Variants in PKD1L3 observed in about 807,000 individuals in gnomAD.
PKD1L3 encodes polycystin-1-like protein 3.
A neutral mutation model predicts 184.1 loss-of-function variants in PKD1L3; 239 were observed. The ratio of observed to expected loss-of-function variants is 1.30; its 90% CI spans 1.17 to 1.45. The LOEUF (loss-of-function observed/expected upper bound fraction) is 1.45. Ranked by LOEUF, PKD1L3 falls within the 40% of genes most tolerant of loss-of-function variation. The pLI, the probability that PKD1L3 is intolerant of heterozygous loss-of-function variation, is 0.00. For missense variants in PKD1L3, 2,660 were observed against 2,067.2 expected, an observed-to-expected ratio of 1.29 and a Z score of -5.56; for synonymous variants, 996 against 778.8, an observed-to-expected ratio of 1.28 and a Z score of -4.64.
At chr16:71,993,149 T>C (rs2040654966) in intron 3 of PKD1L3, 67 bp downstream of exon 3, 1 of 1,124,542 alleles carries the variant, frequency 8.9e-7, no homozygotes, top group Admixed American at 2.4e-5. Flanking sequence ...TAATTCAGTC[T>C]TGTGCATTCT....
chr16:71,986,076 G>A, intron 5 of PKD1L3, 145 bp downstream of exon 5: 1 of 1,067,836 alleles, frequency 9.4e-7, no homozygotes, highest in Non-Finnish European at 1.3e-6. Flanking sequence ...TGTTTCCATG[G>A]ACTTGTTTAG....
intron 21 of PKD1L3, among the ~76,000 whole-genome samples, chr16:71,948,762 A>C (rs1472786068): frequency 7.7e-6 from 1 of 130,062 alleles, no homozygotes; most frequent in Non-Finnish European, 1.6e-5. Flanking sequence ...CTGCAATTAC[A>C]GGTTTTGCTT....
chr16:71,992,808 A>T (rs1384913466), intron 3 of PKD1L3, among the ~76,000 whole-genome samples: 1 of 152,166 alleles, frequency 6.6e-6, no homozygotes, highest in Non-Finnish European at 1.5e-5. Context: ...CTTTCAGTTG[A>T]TCTCTATAAC....
At position 71,979,900 on chromosome 16, in the gene PKD1L3, T is replaced by A. The variant is rs1259182910; in HGVS notation, c.1284A>T (p.Ser428=). Residue 428 remains serine, a synonymous_variant, in exon 9 of 30, where the codon TCA becomes TCT. Coordinates refer to ENST00000620267, the MANE Select transcript of PKD1L3 (RefSeq NM_181536.2). The stretch of plus-strand genomic sequence containing the variant: ...GAGTGTAAGAGCTCAGCGGTAAAGT[T>A]GATATGTTTTGTCTAATGAGAAAAG... ...ATLLLSRQNI[S]TLPLSSYTLG... 6.5e-7 allele frequency: 1 copy of A among 1,549,906 alleles called. No homozygotes were observed.
chr16:71,973,501 C>G lies in PKD1L3; in HGVS notation c.1776G>C (p.Trp592Cys), dbSNP rs1406710597. 3.9e-6 allele frequency: 6 copies of G among 1,551,660 alleles called. No homozygotes were observed. Residue 592 changes from tryptophan to cysteine, a missense_variant, in exon 12 of 30, where the codon TGG becomes TGC. By Grantham distance (215) the Trp-to-Cys change is radical (BLOSUM62 -2). Transcript: ENST00000620267. ...KVWQKDEEYTWVLNPEHLQHG... is the reference protein window; with the variant it reads ...KVWQKDEEYTCVLNPEHLQHG... Reference sequence around the variant, plus strand: ...GCTGCAGATGCTCTGGATTCAGCACCCACGTGTACTCCTCATCTTAGAACA... The same window carrying G: ...GCTGCAGATGCTCTGGATTCAGCACGCACGTGTACTCCTCATCTTAGAACA...
At chr16:71,976,264 C>CTTTTTTTTTTCTTT (rs2039918392) in intron 11 of PKD1L3, among the ~76,000 whole-genome samples, 2 of 81,770 alleles carry the variant, frequency 2.4e-5, no homozygotes, top group East Asian at 7.5e-4. Flanking sequence ...CCCAGCCTGT[C>CTTTTTTTTTTCTTT]TTTTTTTTTT....
intron 21 of PKD1L3, among the ~76,000 whole-genome samples, chr16:71,948,770 C>T (rs1207800787): frequency 9.2e-6 from 1 of 109,208 alleles, no homozygotes; most frequent in Non-Finnish European, 1.7e-5. Context: ...ACAGGTTTTG[C>T]TTTAAAAAAT....
chr16:71,972,893 G>GGA (rs2039772569), intron 12 of PKD1L3, among the ~76,000 whole-genome samples: 1 of 152,126 alleles, frequency 6.6e-6, no homozygotes, highest in Admixed American at 6.6e-5. Context: ...GGAACAAGGT[G>GGA]ATAATTACAA....
chr16:71,970,383 G>T (rs915019713), intron 12 of PKD1L3, among the ~76,000 whole-genome samples: 2 of 152,158 alleles, frequency 1.3e-5, no homozygotes, highest in Non-Finnish European at 2.9e-5. Flanking sequence ...ATATGAAAAG[G>T]AATGTTTTGT....
At chr16:71,961,653 A>C (rs1241147178) in intron 16 of PKD1L3, among the ~76,000 whole-genome samples, 2 of 152,028 alleles carry the variant, frequency 1.3e-5, no homozygotes, top group African/African-American at 4.8e-5. Context: ...ATTTTTGGAA[A>C]TCTAACACAG....
At position 72,000,103 on chromosome 16, in the gene PKD1L3, G is replaced by C. The variant is rs984921988; in HGVS notation, c.-125C>G. The C allele has an allele frequency of 4.8e-6, 4 of 832,996 alleles. No individual in the cohort carries two copies. Among genetic ancestry groups the C allele is most frequent in the African/African-American group, 2.0e-5 (1 of 51,174 alleles). The allele number at this position is 832,996 out of a possible 1,614,324, so 51.6% of individuals were successfully genotyped here. A position where few individuals can be genotyped will look rare whatever the true frequency, so the allele number is the denominator to read the frequency against. The stretch of plus-strand genomic sequence containing the variant: ...TATGAATTGGGAACAATTTACCAAG[G>C]ATACAAAAGGTTTTGTTTTGAGGAC... On this transcript the variant is annotated 5_prime_UTR_variant, in exon 1 of 30. The change creates a new upstream start codon in the 5' untranslated region. Transcript: ENST00000620267.
At position 71,986,214 on chromosome 16, in the gene PKD1L3, T is replaced by C. The variant is rs1167045260; in HGVS notation, c.834+7A>G. ...AGCTACCTGTGACTTGAATTTCCCA[T>C]GTTTACCTGACCAGATGCCTTCTGC... On this transcript the variant is annotated splice_region_variant and intron_variant, in intron 5 of 29. Coordinates refer to ENST00000620267, the MANE Select transcript of PKD1L3 (RefSeq NM_181536.2). The C allele has an allele frequency of 1.3e-6, 2 of 1,551,840 alleles. No individual in the cohort carries two copies. The highest frequency in any genetic ancestry group is 2.4e-5 in the South Asian group (2 of 84,006).
chr16:71,947,652 G>A (rs1012647768), intron 21 of PKD1L3, 61 bp from the exon 22 acceptor site: 36 of 1,135,496 alleles, frequency 3.2e-5, no homozygotes, highest in African/African-American at 1.2e-4. Flanking sequence ...AGATAATACC[G>A]TATGTAAAGG....
intron 16 of PKD1L3, among the ~76,000 whole-genome samples, chr16:71,957,206 T>C (rs2039080228): frequency 6.6e-6 from 1 of 152,120 alleles, no homozygotes; most frequent in Non-Finnish European, 1.5e-5. Flanking sequence ...AGTGATGTCC[T>C]CTGGGAGATT....
At chr16:71,947,668 G>A (rs528740139) in intron 21 of PKD1L3, 77 bp from the exon 22 acceptor site, 1,170 of 962,370 alleles carry the variant, frequency 1.2e-3, no homozygotes, top group Non-Finnish European at 1.7e-3. Flanking sequence ...AAAGGAAGAG[G>A]TGGGCACTCA....
chr16:71,950,032 T>C lies in PKD1L3; in HGVS notation c.3384-15A>G. The C allele has an allele frequency of 3.9e-6, 6 of 1,551,084 alleles. No homozygotes were observed. Among genetic ancestry groups the C allele is most frequent in the Non-Finnish European group, 5.2e-6 (6 of 1,146,648 alleles). ...TGGTGACTTCCCTGAAGCACAAAAG[T>C]TGAGGGAATAATCTTGTATGCATCG... On this transcript the variant is annotated splice_polypyrimidine_tract_variant and intron_variant, in intron 20 of 29. Transcript: ENST00000620267.
Position 71,979,902 on chromosome 16 carries a change from A to T in PKD1L3, c.1282T>A (p.Ser428Thr). The T allele has an allele frequency of 6.5e-7, 1 of 1,550,088 alleles. No individual in the cohort carries two copies. The highest frequency in any genetic ancestry group is 8.7e-7 in the Non-Finnish European group (1 of 1,146,726). Residue 428 changes from serine to threonine, a missense_variant, in exon 9 of 30, where the codon TCA becomes ACA. Transcript: ENST00000620267. Reference protein sequence around the residue: ...ATLLLSRQNISTLPLSSYTLG... With the variant: ...ATLLLSRQNITTLPLSSYTLG... ...GTGTAAGAGCTCAGCGGTAAAGTTGATATGTTTTGTCTAATGAGAAAAGTT... is the reference window on the plus strand; with the variant it reads ...GTGTAAGAGCTCAGCGGTAAAGTTGTTATGTTTTGTCTAATGAGAAAAGTT...
At chr16:71,986,063 G>A (rs898321960) in intron 5 of PKD1L3, among the ~76,000 whole-genome samples, 158 bp downstream of exon 5, 1 of 152,162 alleles carries the variant, frequency 6.6e-6, no homozygotes, top group Non-Finnish European at 1.5e-5. Flanking sequence ...CTGTCAAATT[G>A]GCTGTTTCCA....
chr16:71,931,932 G>C (rs544808062), intron 28 of PKD1L3, among the ~76,000 whole-genome samples: 3 of 152,260 alleles, frequency 2.0e-5, no homozygotes, highest in African/African-American at 7.2e-5. Context: ...CTCGCTCAGA[G>C]GGCAGTGGGA....
Sources: allele counts gnomAD v4.1 joint callset (sites outside exome capture counted in the v4.1 genomes callset), GRCh38; gene constraint gnomAD v4.1.1; transcripts MANE v1.5; gene names NCBI Gene and HGNC (gene_info 2026-07-23, HGNC 2026-07-21).